ARPP21: variants seen among roughly 807,000 people sequenced by gnomAD.
ARPP21 encodes cAMP-regulated phosphoprotein 21.
A neutral mutation model predicts 113.2 loss-of-function variants in ARPP21; 69 were observed. The ratio of observed to expected loss-of-function variants is 0.61; its 90% CI spans 0.50 to 0.74. The LOEUF is 0.74. Among genes scored for constraint, ARPP21 ranks in the 30% least tolerant of loss-of-function variants. The pLI is 0.00. For synonymous variants in ARPP21, 368 were observed against 375.5 expected (o/e 0.98, Z 0.23); for missense variants, 1,070 against 1,037.4 (o/e 1.03, Z -0.43).
chr3:35,694,146 T>C (rs2083094004), intron 9 of ARPP21, among the ~76,000 whole-genome samples: 2 of 151,686 alleles, frequency 1.3e-5, no homozygotes, highest in Admixed American at 6.6e-5. Flanking sequence ...TAAGTAACTA[T>C]AGAATGTGAC....
chr3:35,793,137 G>A (rs2096780167), intron 20 of ARPP21, among the ~76,000 whole-genome samples: 1 of 152,146 alleles, frequency 6.6e-6, no homozygotes, highest in African/African-American at 2.4e-5. Context: ...TGACCCTAAA[G>A]GACCTATTCT....
At chr3:35,707,186 C>T in intron 10 of ARPP21, 104 bp downstream of exon 10, 1 of 827,104 alleles carries the variant, frequency 1.2e-6, no homozygotes, top group Non-Finnish European at 2.0e-6. Context: ...TCCAATCCTC[C>T]CCTGCCTCTG....
chr3:35,749,431 C>CAAAAAAAAAAAAAAAAAAAAAAAAAAAA, intron 19 of ARPP21, among the ~76,000 whole-genome samples: 1 of 100,816 alleles, frequency 9.9e-6, no homozygotes, highest in Non-Finnish European at 2.0e-5. Context: ...TTCCTAAAAG[C>CAAAAAAAAAAAAAAAAAAAAAAAAAAAA]AAAAAAAAAA....
In ARPP21 at chr3:35,700,541, A is replaced by T. The variant is rs536972646; in HGVS notation, c.687-6433A>T. 1.6e-4 allele frequency among the ~76,000 whole-genome samples: 25 copies of T among 151,776 alleles called. 2 individuals are homozygous for T. In the South Asian group the frequency reaches 4.4e-3, roughly 26 times the overall value. On this transcript the variant is annotated intron_variant, in intron 9 of 20. Coordinates refer to ENST00000684406, the MANE Select transcript of ARPP21 (RefSeq NM_001385562.1). ...AAAAAAAAAAGTACACCAATACTTT[A>T]TCCCTGATTTTAGTCAGTTTATTAC...
chr3:35,762,488 G>A lies in ARPP21; in HGVS notation c.2137+18523G>A, dbSNP rs375505830. Among the ~76,000 whole-genome samples, 15 of 151,998 alleles carry A rather than the reference G, an allele frequency of 9.9e-5. 1 individual carries two copies. The South Asian group carries it at 1.9e-3, about 19-fold the overall frequency. On this transcript the variant is annotated intron_variant, in intron 19 of 20. Coordinates refer to ENST00000684406, the MANE Select transcript of ARPP21 (RefSeq NM_001385562.1). Reference sequence around the variant, plus strand: ...TGGCCACTCATTATGAAACTTTCAGGTCCTCATATATTTTCTTTTATTACA... The same window carrying A: ...TGGCCACTCATTATGAAACTTTCAGATCCTCATATATTTTCTTTTATTACA...
chr3:35,738,089 G>A, intron 16 of ARPP21, 125 bp from the exon 17 acceptor site: 2 of 599,294 alleles, frequency 3.3e-6, no homozygotes, highest in South Asian at 4.4e-5. Flanking sequence ...CTTTCCTTTG[G>A]TGGCTAGTTC....
At chr3:35,758,655 G>A (rs1048531418) in intron 19 of ARPP21, among the ~76,000 whole-genome samples, 1 of 151,896 alleles carries the variant, frequency 6.6e-6, no homozygotes, top group Admixed American at 6.6e-5. Context: ...TGTTTGCCAG[G>A]CACAGAAACT....
At chr3:35,775,827 T>C (rs2096347706) in intron 19 of ARPP21, among the ~76,000 whole-genome samples, 1 of 152,184 alleles carries the variant, frequency 6.6e-6, no homozygotes, top group Non-Finnish European at 1.5e-5. Flanking sequence ...ATCTGTAATA[T>C]GTTTTTCTGT....
intron 1 of ARPP21, among the ~76,000 whole-genome samples, chr3:35,667,950 A>T (rs1449208444): frequency 7.2e-5 from 1 of 13,936 alleles, no homozygotes; most frequent in Non-Finnish European, 1.5e-4. Flanking sequence ...GAAGAAGAAA[A>T]GAAGAAGAAG....
At chr3:35,793,241 AGTAG>A (rs2096782658) in intron 20 of ARPP21, among the ~76,000 whole-genome samples, 1 of 152,204 alleles carries the variant, frequency 6.6e-6, no homozygotes, top group Non-Finnish European at 1.5e-5. Context: ...TTGAGAATAT[AGTAG>A]GTGCCCAGGA....
intron 19 of ARPP21, among the ~76,000 whole-genome samples, chr3:35,787,054 A>G (rs1247468660): frequency 6.6e-6 from 1 of 152,220 alleles, no homozygotes; most frequent in Non-Finnish European, 1.5e-5. Context: ...GAGACAGGAA[A>G]AAAATCCATA....
At chr3:35,760,536 G>A (rs1160564924) in intron 19 of ARPP21, among the ~76,000 whole-genome samples, 3 of 151,360 alleles carry the variant, frequency 2.0e-5, no homozygotes, top group Admixed American at 2.0e-4. Context: ...GTAGAAGGAG[G>A]AGGTAAAAAA....
chr3:35,646,999 A>G (rs1043493598), intron 1 of ARPP21, among the ~76,000 whole-genome samples: 4 of 152,170 alleles, frequency 2.6e-5, no homozygotes, highest in African/African-American at 9.7e-5. Context: ...TGAAATTTTC[A>G]CGTAATCACT....
At position 35,692,325 on chromosome 3, in the gene ARPP21, T is replaced by C. The variant is rs575200973; in HGVS notation, c.686+1320T>C. Among the ~76,000 whole-genome samples the C allele has an allele frequency of 4.6e-5, 7 of 151,804 alleles. No homozygotes were observed. The East Asian group carries it at 1.2e-3, about 25-fold the overall frequency. On this transcript the variant is annotated intron_variant, in intron 9 of 20. Coordinates refer to ENST00000684406, the MANE Select transcript of ARPP21 (RefSeq NM_001385562.1). ...TTTGAATAGTAGTAAAAATTAAAGG[T>C]AACTTTTAGAATCCTTTATATCTTC...
intron 19 of ARPP21, among the ~76,000 whole-genome samples, chr3:35,768,078 CCGTGTGTGTGTGTG>C (rs2096052073): frequency 8.2e-6 from 1 of 121,282 alleles, no homozygotes; most frequent in East Asian, 2.8e-4. Flanking sequence ...CCATGCTTTT[CCGTGTGTGTGTGTG>C]TGTGTGTGTG....
At chr3:35,655,347 T>G (rs529525993) in intron 1 of ARPP21, among the ~76,000 whole-genome samples, 1 of 152,120 alleles carries the variant, frequency 6.6e-6, no homozygotes, top group Admixed American at 6.6e-5. Flanking sequence ...GCTAGCTTAT[T>G]TTCTACTTTT....
intron 9 of ARPP21, among the ~76,000 whole-genome samples, chr3:35,699,298 C>A (rs1365957352): frequency 6.6e-6 from 1 of 151,576 alleles, no homozygotes; most frequent in Non-Finnish European, 1.5e-5. Context: ...TTGCTATAGG[C>A]AGGAGAATTA....
At chr3:35,690,698 A>C (rs1248327111) in intron 8 of ARPP21, among the ~76,000 whole-genome samples, 167 bp from the exon 9 acceptor site, 1 of 151,674 alleles carries the variant, frequency 6.6e-6, no homozygotes, top group South Asian at 2.1e-4. Flanking sequence ...TAAATCTATA[A>C]TAAGTAGAAA....
At chr3:35,716,181 C>T (rs185542162) in intron 12 of ARPP21, among the ~76,000 whole-genome samples, 43 of 152,058 alleles carry the variant, frequency 2.8e-4, no homozygotes, top group Non-Finnish European at 2.1e-4. Context: ...GATTTAATTG[C>T]GGATACTCAG....
Sources: allele counts gnomAD v4.1 joint callset (sites outside exome capture counted in the v4.1 genomes callset), GRCh38; gene constraint gnomAD v4.1.1; transcripts MANE v1.5; gene names NCBI Gene and HGNC (gene_info 2026-07-23, HGNC 2026-07-21).